STXBP4: variants seen among roughly 807,000 people sequenced by gnomAD.
The protein encoded by STXBP4 is syntaxin binding protein 4.
Under a neutral mutation model 76.1 loss-of-function variants are expected in STXBP4, and 55 were observed. The ratio of observed to expected loss-of-function variants is 0.72; its 90% CI spans 0.58 to 0.91. The LOEUF (loss-of-function observed/expected upper bound fraction) is 0.91, where lower values mean the gene tolerates loss of function less well. STXBP4 is among the 40% of genes least tolerant of loss of function. The probability of loss-of-function intolerance (pLI) is 0.00; values close to 1 mark genes in which losing one functional copy is unlikely to be tolerated. For synonymous variants in STXBP4, 201 were observed against 220.2 expected, an observed-to-expected ratio of 0.91 and a Z score of 0.77; for missense variants, 618 against 636.9, an observed-to-expected ratio of 0.97 and a Z score of 0.32.
intron 4 of STXBP4, among the ~76,000 whole-genome samples, chr17:54,995,403 A>G (rs1270571005): frequency 6.6e-6 from 1 of 152,154 alleles, no homozygotes; most frequent in Non-Finnish European, 1.5e-5. Context: ...CTCTCTTCAA[A>G]TCTGATAGTA....
chr17:55,081,151 T>G lies in STXBP4; in HGVS notation c.1457T>G (p.Val486Gly), dbSNP rs746454597. Residue 486 changes from valine to glycine, a missense_variant, in exon 16 of 18, where the codon GTT becomes GGT. Physicochemically the swap from Val to Gly is moderately radical, Grantham distance 109. Transcript: ENST00000376352. ...CTGGCGCTTGAATCTAAGGAACTTGTTAAATCTGTTCGTGCCTTACTTGAT... is the reference window on the plus strand; with the variant it reads ...CTGGCGCTTGAATCTAAGGAACTTGGTAAATCTGTTCGTGCCTTACTTGAT... ...ATLALESKEL[V>G]KSVRALLDMD... is the part of the protein sequence containing the mutation. 1 of 1,539,000 alleles carries G rather than the reference T, an allele frequency of 6.5e-7. No individual in the cohort carries two copies. The highest frequency in any genetic ancestry group is 1.4e-5 in the African/African-American group (1 of 70,234).
the STXBP4 span, among the ~76,000 whole-genome samples, chr17:55,199,880 C>T: frequency 0.013 from 2,009 of 152,268 alleles, 20 homozygotes; most frequent in Non-Finnish European, 0.019. Flanking sequence ...ACAGACTGGC[C>T]CCATTTCAGT....
chr17:55,200,500 C>T, the STXBP4 span, among the ~76,000 whole-genome samples: 1 of 152,218 alleles, frequency 6.6e-6, no homozygotes, highest in South Asian at 2.1e-4. Flanking sequence ...ACTTTTACCC[C>T]TTTTTGTTTC....
rs143780351 is a variant in STXBP4, at chr17:55,118,412, A to G, written c.1490-22898A>G. Among the ~76,000 whole-genome samples the G allele has an allele frequency of 4.3e-3, 661 of 152,136 alleles. 5 individuals carry two copies. Among genetic ancestry groups the G allele is most frequent in the Admixed American group, 0.013 (197 of 15,252 alleles). ...GGAGGCCAGAACAGATTTACTTATT[A>G]TAACGAGGAGGATTGCAGACAGGAT... On this transcript the variant is annotated intron_variant, in intron 16 of 17. Transcript: ENST00000376352.
intron 11 of STXBP4, 132 bp from the exon 12 acceptor site, chr17:55,046,957 T>G: frequency 1.8e-6 from 1 of 542,698 alleles, no homozygotes; most frequent in Non-Finnish European, 3.3e-6. Flanking sequence ...GCCAGAAAAA[T>G]GACTAGGAGC....
the STXBP4 span, among the ~76,000 whole-genome samples, chr17:55,212,727 A>T: frequency 6.6e-6 from 1 of 152,184 alleles, no homozygotes; most frequent in East Asian, 1.9e-4. Flanking sequence ...AAAGTGAGAG[A>T]TACTTCACCT....
intron 4 of STXBP4, 59 bp downstream of exon 4, chr17:54,991,016 G>A (rs1357963846): frequency 4.2e-6 from 6 of 1,441,214 alleles, no homozygotes; most frequent in Non-Finnish European, 5.5e-6. Context: ...CAGTGGTAAA[G>A]TTTATTTTTT....
chr17:55,090,236 T>A lies in STXBP4; in HGVS notation c.1489+9053T>A, dbSNP rs141209301. Among the ~76,000 whole-genome samples the A allele has an allele frequency of 2.6e-5, 4 of 152,080 alleles. No homozygotes were observed. In the East Asian group the frequency reaches 7.8e-4, roughly 29 times the overall value. On this transcript the variant is annotated intron_variant, in intron 16 of 17. Coordinates refer to ENST00000376352, the MANE Select transcript of STXBP4 (RefSeq NM_178509.6). ...TCCTCAGGTTCACACAGATTATTTG[T>A]CAAGCAGAAGGACAACTGGGGCTTG...
chr17:54,981,173 T>TA (rs34176192), intron 1 of STXBP4, among the ~76,000 whole-genome samples: 114,737 of 151,906 alleles, frequency 0.76, 43,768 homozygotes, highest in African/African-American at 0.85. Flanking sequence ...CTTCTTCAAT[T>TA]ATTTGTAAAT....
chr17:54,970,001 T>A (rs1179284960), intron 1 of STXBP4, among the ~76,000 whole-genome samples: 5 of 152,014 alleles, frequency 3.3e-5, no homozygotes, highest in Non-Finnish European at 7.4e-5. Flanking sequence ...TTTGAAGAGG[T>A]GACATTTGAG....
At chr17:55,136,820 TA>T (rs886168403) in intron 16 of STXBP4, among the ~76,000 whole-genome samples, 6 of 149,672 alleles carry the variant, frequency 4.0e-5, no homozygotes, top group Admixed American at 1.3e-4. Context: ...GAAAGGATTG[TA>T]AAAAAAAAAT....
intron 8 of STXBP4, among the ~76,000 whole-genome samples, chr17:55,024,745 G>A (rs1237782325): frequency 6.6e-6 from 1 of 152,144 alleles, no homozygotes; most frequent in African/African-American, 2.4e-5. Flanking sequence ...ATGGTAGCAT[G>A]ATTATTATCA....
chr17:55,080,977 C>T, intron 15 of STXBP4, 73 bp from the exon 16 acceptor site: 3 of 1,282,208 alleles, frequency 2.3e-6, no homozygotes, highest in Non-Finnish European at 2.0e-6. Flanking sequence ...ATAACTGATA[C>T]AACTTCAGAT....
In STXBP4 at chr17:55,161,458, G is replaced by C. The variant is rs2080336706; in HGVS notation, c.*1547G>C. The C allele has an allele frequency of 6.6e-6, 1 of 152,198 alleles. No individual in the cohort carries two copies. Among genetic ancestry groups the C allele is most frequent in the Non-Finnish European group, 1.5e-5 (1 of 68,036 alleles). The allele number at this position is 152,198 out of a possible 1,614,324, so 9.4% of individuals were successfully genotyped here. ...ATTCTATAAGTTAGTGTCTATAATT[G>C]TGAAAGTACAAACTTCTTGTTTTTG... On this transcript the variant is annotated 3_prime_UTR_variant, in exon 18 of 18. Transcript: ENST00000376352.
At chr17:55,043,731 G>A in intron 11 of STXBP4, 1 of 1,256,066 alleles carries the variant, frequency 8.0e-7, no homozygotes, top group Non-Finnish European at 1.1e-6. Flanking sequence ...GGGACATCAT[G>A]TTTTGCTAAC....
intron 17 of STXBP4, among the ~76,000 whole-genome samples, chr17:55,142,627 C>T (rs1429269775): frequency 1.3e-5 from 2 of 150,980 alleles, no homozygotes; most frequent in African/African-American, 2.5e-5. Flanking sequence ...GAGAAACCAT[C>T]GTGGAGGGGA....
At chr17:54,975,715 A>G (rs2077464155) in intron 1 of STXBP4, among the ~76,000 whole-genome samples, 1 of 152,160 alleles carries the variant, frequency 6.6e-6, no homozygotes. Context: ...ATAAGACCCT[A>G]GGAAATCCAG....
chr17:55,099,460 G>A (rs1311082519), intron 16 of STXBP4, among the ~76,000 whole-genome samples: 1 of 152,146 alleles, frequency 6.6e-6, no homozygotes, highest in Non-Finnish European at 1.5e-5. Flanking sequence ...TTGATCCTAG[G>A]CTTCAAGTAT....
At chr17:55,121,401 C>T (rs981387499) in intron 16 of STXBP4, among the ~76,000 whole-genome samples, 1 of 152,036 alleles carries the variant, frequency 6.6e-6, no homozygotes, top group Non-Finnish European at 1.5e-5. Context: ...GAAAAACACA[C>T]TGAGAGAGAG....
Sources: gnomAD v4.1 joint callset for allele counts (sites outside exome capture counted in the v4.1 genomes callset) on GRCh38, gnomAD v4.1.1 for gene constraint, MANE v1.5 for transcripts, NCBI Gene and HGNC (gene_info 2026-07-23, HGNC 2026-07-21) for gene names.